The following FBXL7 variants were observed in gnomAD, a reference collection of about 807,000 sequenced individuals.
FBXL7 encodes the protein F-box/LRR-repeat protein 7.
In FBXL7, 12 loss-of-function variants were observed where a neutral mutation model predicts 38.3. That is an observed-to-expected ratio of 0.31 (90% CI 0.20 to 0.51). The LOEUF (loss-of-function observed/expected upper bound fraction) is 0.51, where lower values mean the gene tolerates loss of function less well. Ranked by LOEUF, FBXL7 falls within the 20% of genes least tolerant of loss-of-function variation. The probability of loss-of-function intolerance (pLI) is 0.98; values close to 1 mark genes in which losing one functional copy is unlikely to be tolerated. For missense variants in FBXL7, 567 were observed against 676.4 expected, an observed-to-expected ratio of 0.84 and a Z score of 1.79; for synonymous variants, 297 against 300.9, an observed-to-expected ratio of 0.99 and a Z score of 0.13.
chr5:15,607,719 C>A (rs1740077792), intron 1 of FBXL7, among the ~76,000 whole-genome samples: 1 of 152,170 alleles, frequency 6.6e-6, no homozygotes, highest in Non-Finnish European at 1.5e-5. Context: ...AATAGTGTGT[C>A]CCATTTGACC....
intron 2 of FBXL7, among the ~76,000 whole-genome samples, chr5:15,660,855 C>A (rs1477164506): frequency 6.6e-6 from 1 of 152,198 alleles, no homozygotes; most frequent in Non-Finnish European, 1.5e-5. Context: ...CGAGGTCCTT[C>A]CAGTAATCTA....
chr5:15,500,497 G>C lies in FBXL7; in HGVS notation c.-180G>C. 1.3e-6 allele frequency: 1 copy of C among 783,152 alleles called. No homozygotes were observed. The highest frequency in any genetic ancestry group is 2.2e-6 in the Non-Finnish European group (1 of 456,400). The allele number at this position is 783,152 out of a possible 1,614,324, so 48.5% of individuals were successfully genotyped here. A position where few individuals can be genotyped will look rare whatever the true frequency, so the allele number is the denominator to read the frequency against. ...GGAGCCACCGGGGGTGCCAGGAGGG[G>C]ACGCAGCACCCCCTCCCACTGGAGT... is the stretch of plus-strand genomic sequence containing the variant. On this transcript the variant is annotated 5_prime_UTR_variant, in exon 1 of 4. Transcript: ENST00000504595.
intron 2 of FBXL7, among the ~76,000 whole-genome samples, chr5:15,757,206 G>A (rs1736321074): frequency 6.6e-6 from 1 of 152,156 alleles, no homozygotes; most frequent in Non-Finnish European, 1.5e-5. Context: ...AGGAGAGAGA[G>A]AGAGAGTTTT....
At chr5:15,596,018 G>C (rs1739616493) in intron 1 of FBXL7, among the ~76,000 whole-genome samples, 1 of 152,182 alleles carries the variant, frequency 6.6e-6, no homozygotes. Flanking sequence ...AGAGTTAAGG[G>C]GACATCGCAG....
chr5:15,613,462 C>T (rs1382209507), intron 1 of FBXL7, among the ~76,000 whole-genome samples: 1 of 152,108 alleles, frequency 6.6e-6, no homozygotes, highest in Admixed American at 6.5e-5. Context: ...AGAATTGCTG[C>T]ATTGTTTTGG....
At chr5:15,699,211 C>T (rs192154619) in intron 2 of FBXL7, among the ~76,000 whole-genome samples, 6 of 152,080 alleles carry the variant, frequency 3.9e-5, no homozygotes, top group Admixed American at 2.6e-4. Context: ...TGGGGGCTAC[C>T]GAAACAAAGT....
At chr5:15,620,857 T>A (rs1423832392) in intron 2 of FBXL7, among the ~76,000 whole-genome samples, 2 of 152,218 alleles carry the variant, frequency 1.3e-5, no homozygotes, top group African/African-American at 2.4e-5. Flanking sequence ...TTTTGGTTTC[T>A]TTTCTTGGCT....
chr5:15,534,111 C>T (rs1245098867), intron 1 of FBXL7, among the ~76,000 whole-genome samples: 1 of 152,178 alleles, frequency 6.6e-6, no homozygotes, highest in African/African-American at 2.4e-5. Context: ...CAGCGTCCTG[C>T]ACTGTTGACA....
In FBXL7 at chr5:15,928,343, G is replaced by C; in HGVS notation, c.581G>C (p.Ser194Thr). Residue 194 changes from serine to threonine, a missense_variant, in exon 3 of 4, where the codon AGT becomes ACT. Physicochemically the swap from Ser to Thr is moderately conservative, Grantham distance 58. Transcript: ENST00000504595. The surrounding 1 kb of genome is among the most constrained non-coding windows in gnomAD (Gnocchi z 4.0). ...VCLMLETVTVSGCRRLTDRGL... is the reference protein window; with the variant it reads ...VCLMLETVTVTGCRRLTDRGL... The stretch of plus-strand genomic sequence containing the variant: ...CTCATGCTGGAAACCGTAACTGTCA[G>C]TGGCTGCAGGCGGCTCACAGACCGA... The C allele has an allele frequency of 6.2e-7, 1 of 1,613,830 alleles. No homozygotes were observed. The highest frequency in any genetic ancestry group is 1.1e-5 in the South Asian group (1 of 91,076).
intron 2 of FBXL7, among the ~76,000 whole-genome samples, chr5:15,727,028 A>G (rs530729542): frequency 6.6e-6 from 1 of 152,218 alleles, no homozygotes; most frequent in South Asian, 2.1e-4. Context: ...CATAAGGATT[A>G]CATTTAACAT....
chr5:15,672,746 G>T (rs529225018), intron 2 of FBXL7, among the ~76,000 whole-genome samples: 1 of 151,936 alleles, frequency 6.6e-6, no homozygotes, highest in African/African-American at 2.4e-5. Flanking sequence ...TAGAGATGGG[G>T]TTTCACCATG....
chr5:15,564,814 A>G (rs1391722321), intron 1 of FBXL7, among the ~76,000 whole-genome samples: 1 of 152,120 alleles, frequency 6.6e-6, no homozygotes, highest in Non-Finnish European at 1.5e-5. Context: ...CCTGAAATAC[A>G]TTCAAAATGT....
intron 2 of FBXL7, among the ~76,000 whole-genome samples, chr5:15,675,573 C>A (rs114528465): frequency 6.6e-6 from 1 of 152,190 alleles, no homozygotes; most frequent in Admixed American, 6.5e-5. Flanking sequence ...GGAAGAAATG[C>A]GCAGCAGGAA....
At chr5:15,611,303 T>C (rs1003938819) in intron 1 of FBXL7, among the ~76,000 whole-genome samples, 1 of 148,112 alleles carries the variant, frequency 6.8e-6, no homozygotes, top group Admixed American at 6.8e-5. Context: ...GGGGTCCATG[T>C]TTTGCCACTT....
At chr5:15,685,468 T>C (rs1742987933) in intron 2 of FBXL7, among the ~76,000 whole-genome samples, 1 of 152,084 alleles carries the variant, frequency 6.6e-6, no homozygotes, top group Non-Finnish European at 1.5e-5. Context: ...CTGAAAGACA[T>C]GGGGAGACTA....
chr5:15,554,215 C>T (rs1738167613), intron 1 of FBXL7, among the ~76,000 whole-genome samples: 1 of 152,118 alleles, frequency 6.6e-6, no homozygotes, highest in South Asian at 2.1e-4. Flanking sequence ...GCCGCCATCC[C>T]TGAGGCATAT....
chr5:15,529,135 T>C (rs1725152274), intron 1 of FBXL7, among the ~76,000 whole-genome samples: 1 of 152,208 alleles, frequency 6.6e-6, no homozygotes, highest in African/African-American at 2.4e-5. Flanking sequence ...GAGTTCAAAT[T>C]TTCTAGATTC....
At chr5:15,581,382 G>C (rs1457291011) in intron 1 of FBXL7, among the ~76,000 whole-genome samples, 1 of 152,000 alleles carries the variant, frequency 6.6e-6, no homozygotes, top group Non-Finnish European at 1.5e-5. Flanking sequence ...CCTCACCCCC[G>C]GGCTGTGCCA....
intron 1 of FBXL7, among the ~76,000 whole-genome samples, chr5:15,556,260 A>C (rs1176932032): frequency 6.6e-6 from 1 of 152,054 alleles, no homozygotes. Flanking sequence ...CCTGAGAACC[A>C]GGAGTCCTAA....
Sources: gnomAD v4.1 joint callset for allele counts (sites outside exome capture counted in the v4.1 genomes callset) on GRCh38, gnomAD v4.1.1 for gene constraint, Gnocchi (gnomAD v3.1) non-coding constraint, MANE v1.5 for transcripts, NCBI Gene and HGNC (gene_info 2026-07-23, HGNC 2026-07-21) for gene names.